Variants in FSHR observed in about 807,000 individuals in gnomAD.
FSHR encodes the protein follicle stimulating hormone receptor.
FSHR carries 46 observed loss-of-function variants against 52.1 expected under a neutral mutation model. The observed-to-expected ratio is 0.88, with a 90% confidence interval of 0.70 to 1.13. FSHR has a LOEUF of 1.13. FSHR is among the 50% of genes most tolerant of loss of function. The probability of loss-of-function intolerance (pLI) is 0.00; values close to 1 mark genes in which losing one functional copy is unlikely to be tolerated. For missense variants in FSHR, 964 were observed against 834.6 expected (o/e 1.16, Z -1.91); for synonymous variants, 399 against 309.6 (o/e 1.29, Z -3.03).
intron 2 of FSHR, among the ~76,000 whole-genome samples, chr2:49,041,539 T>A (rs1249559576): frequency 2.0e-5 from 3 of 152,180 alleles, no homozygotes; most frequent in Non-Finnish European, 2.9e-5. Context: ...GTATGAAGAA[T>A]TATTTTAGTC....
chr2:49,111,617 T>C (rs868363210), intron 1 of FSHR, among the ~76,000 whole-genome samples: 4 of 152,128 alleles, frequency 2.6e-5, no homozygotes, highest in Non-Finnish European at 5.9e-5. Context: ...GAAGGAGCCG[T>C]TGTTGCCTGG....
intron 1 of FSHR, among the ~76,000 whole-genome samples, chr2:49,072,053 A>G (rs752117731): frequency 6.6e-6 from 1 of 152,186 alleles, no homozygotes; most frequent in Non-Finnish European, 1.5e-5. Flanking sequence ...AATAAAGAAC[A>G]CTAAAAACAT....
At chr2:49,133,025 G>C (rs13424726) in intron 1 of FSHR, among the ~76,000 whole-genome samples, 1 of 140,372 alleles carries the variant, frequency 7.1e-6, no homozygotes, top group African/African-American at 2.7e-5. Context: ...AACCAAGACC[G>C]CTTGCTCCCT....
chr2:49,094,319 T>G (rs1039561345), intron 1 of FSHR, among the ~76,000 whole-genome samples: 2 of 152,160 alleles, frequency 1.3e-5, no homozygotes, highest in Non-Finnish European at 2.9e-5. Flanking sequence ...TCAGATAAGG[T>G]TATTCTTTTT....
intron 1 of FSHR, among the ~76,000 whole-genome samples, chr2:49,131,155 T>A (rs1672248615): frequency 6.6e-6 from 1 of 152,192 alleles, no homozygotes; most frequent in African/African-American, 2.4e-5. Flanking sequence ...ATAGGTTATT[T>A]AAAACATTTT....
intron 8 of FSHR, among the ~76,000 whole-genome samples, chr2:48,974,186 T>G (rs1344373845): frequency 2.0e-5 from 3 of 152,142 alleles, no homozygotes; most frequent in Admixed American, 2.0e-4. Context: ...TGGCTGAGAA[T>G]ATAAAAGTTA....
intron 4 of FSHR, among the ~76,000 whole-genome samples, chr2:49,011,732 G>A (rs1667282143): frequency 2.0e-5 from 3 of 152,140 alleles, no homozygotes; most frequent in African/African-American, 7.2e-5. Flanking sequence ...AAGGGAAGCA[G>A]CTGAGACCTG....
intron 4 of FSHR, among the ~76,000 whole-genome samples, chr2:49,010,782 T>C (rs1189896735): frequency 1.3e-5 from 2 of 152,236 alleles, no homozygotes; most frequent in Non-Finnish European, 2.9e-5. Context: ...AAGGAATTTA[T>C]CCATTTCTTC....
In FSHR at chr2:49,127,873, TC is replaced by T. The variant is rs1558456961; in HGVS notation, c.152+26392del. 9.7e-3 allele frequency among the ~76,000 whole-genome samples: 438 copies of T among 45,326 alleles called. 39 individuals carry two copies. The highest frequency in any genetic ancestry group is 0.044 in the Admixed American group (147 of 3,338). The allele number at this position is 45,326 out of a possible 152,430, so 29.7% of individuals were successfully genotyped here. A position where few individuals can be genotyped will look rare whatever the true frequency, so the allele number is the denominator to read the frequency against. On this transcript the variant is annotated intron_variant, in intron 1 of 9. Transcript: ENST00000406846. ...TTCTTCTTCTTCTTCTTCTTCTTCT[TC>T]TTCTTCTTCTTCTTCTTCTTCTTCT... is the stretch of plus-strand genomic sequence containing the variant.
At chr2:48,971,947 C>T (rs1025847286) in intron 8 of FSHR, among the ~76,000 whole-genome samples, 12 of 152,178 alleles carry the variant, frequency 7.9e-5, no homozygotes, top group Admixed American at 2.0e-4. Flanking sequence ...TCAATCTTCA[C>T]TTACTCTGCA....
At chr2:49,036,402 C>A (rs1572663036) in intron 2 of FSHR, among the ~76,000 whole-genome samples, 1 of 151,508 alleles carries the variant, frequency 6.6e-6, no homozygotes, top group Admixed American at 6.6e-5. Flanking sequence ...TATATAAATA[C>A]CTATATCCTT....
intron 8 of FSHR, among the ~76,000 whole-genome samples, chr2:48,969,575 G>A (rs893718729): frequency 6.6e-6 from 1 of 152,186 alleles, no homozygotes; most frequent in Non-Finnish European, 1.5e-5. Flanking sequence ...GTACCTCAGA[G>A]GGTTGTTGTT....
At chr2:49,023,018 T>G (rs1227491047) in intron 2 of FSHR, among the ~76,000 whole-genome samples, 2 of 152,184 alleles carry the variant, frequency 1.3e-5, no homozygotes, top group Non-Finnish European at 2.9e-5. Context: ...CAAGGTTCTT[T>G]AGGGAAATAG....
In FSHR at chr2:49,094,617, T is replaced by G. The variant is rs532423063; in HGVS notation, c.153-26327A>C. On this transcript the variant is annotated intron_variant, in intron 1 of 9. Transcript: ENST00000406846. ...TTCATTTAGAACTTTAAAATGTTGT[T>G]CCATGAATGGAAACAAAAACACAAC... Among the ~76,000 whole-genome samples, 11 of 152,240 alleles carry G rather than the reference T, an allele frequency of 7.2e-5. No individual in the cohort carries two copies. In the South Asian group the frequency reaches 2.3e-3, roughly 32 times the overall value.
At chr2:49,079,504 A>C (rs981466665) in intron 1 of FSHR, among the ~76,000 whole-genome samples, 5 of 152,144 alleles carry the variant, frequency 3.3e-5, no homozygotes, top group Admixed American at 3.3e-4. Flanking sequence ...ATTTTTCTAA[A>C]GTTAGAGTGA....
At chr2:49,093,307 A>G (rs1417900066) in intron 1 of FSHR, among the ~76,000 whole-genome samples, 3 of 152,228 alleles carry the variant, frequency 2.0e-5, no homozygotes, top group African/African-American at 7.2e-5. Flanking sequence ...ACGTCCAAAT[A>G]GAGGTGTACA....
chr2:49,133,180 G>T (rs538623778), intron 1 of FSHR, among the ~76,000 whole-genome samples: 2 of 152,166 alleles, frequency 1.3e-5, no homozygotes, highest in African/African-American at 4.8e-5. Flanking sequence ...TATCCCAGCT[G>T]CCCGTTGCTG....
At chr2:48,975,906 C>T (rs1213672633) in intron 8 of FSHR, among the ~76,000 whole-genome samples, 2 of 152,186 alleles carry the variant, frequency 1.3e-5, no homozygotes, top group Non-Finnish European at 2.9e-5. Context: ...ATGGGGTTTT[C>T]TAAATATACA....
intron 2 of FSHR, among the ~76,000 whole-genome samples, chr2:49,053,307 A>AGG (rs1410974162): frequency 2.0e-5 from 3 of 152,150 alleles, no homozygotes; most frequent in Non-Finnish European, 2.9e-5. Context: ...ATTTTGTTAT[A>AGG]AACTAGCTTT....
Sources: allele counts gnomAD v4.1 joint callset (sites outside exome capture counted in the v4.1 genomes callset), GRCh38; gene constraint gnomAD v4.1.1; transcripts MANE v1.5; gene names NCBI Gene and HGNC (gene_info 2026-07-23, HGNC 2026-07-21).